Variants in DCLK1 observed in about 807,000 individuals in gnomAD.
The protein encoded by DCLK1 is doublecortin like kinase 1.
A neutral mutation model predicts 86.2 loss-of-function variants in DCLK1; 16 were observed. That is an observed-to-expected ratio of 0.19 (90% confidence interval 0.13 to 0.28). The LOEUF (loss-of-function observed/expected upper bound fraction) is 0.28. Among genes scored for constraint, DCLK1 ranks in the 10% least tolerant of loss-of-function variants. The pLI is 1.00. For missense variants in DCLK1, 590 were observed against 940.2 expected, an observed-to-expected ratio of 0.63 and a Z score of 4.87; for synonymous variants, 369 against 370.5, an observed-to-expected ratio of 1.00 and a Z score of 0.05.
chr13:35,862,418 T>C (rs1289756655), intron 5 of DCLK1, among the ~76,000 whole-genome samples: 3 of 152,230 alleles, frequency 2.0e-5, no homozygotes, highest in East Asian at 3.9e-4. Context: ...CTTTCGGTTC[T>C]GTCTTGACAA....
chr13:36,120,279 C>T (rs1885939213), intron 2 of DCLK1, among the ~76,000 whole-genome samples: 1 of 152,190 alleles, frequency 6.6e-6, no homozygotes, highest in African/African-American at 2.4e-5. Context: ...TAAATGAAGT[C>T]ACTAAAGAGA....
intron 10 of DCLK1, among the ~76,000 whole-genome samples, chr13:35,826,552 A>G (rs151279165): frequency 0.13 from 12,847 of 95,364 alleles, 3,349 homozygotes; most frequent in Non-Finnish European, 0.18. Flanking sequence ...AGAAAGAAAG[A>G]AAGAAAGAAA....
chr13:36,122,720 C>T (rs999994211), intron 2 of DCLK1, among the ~76,000 whole-genome samples: 3 of 152,096 alleles, frequency 2.0e-5, no homozygotes, highest in Non-Finnish European at 4.4e-5. Flanking sequence ...TTTAAAAAAA[C>T]ATATTAAGGC....
intron 6 of DCLK1, chr13:35,849,054 C>A: frequency 2.0e-6 from 2 of 985,308 alleles, no homozygotes; most frequent in Non-Finnish European, 2.4e-6. Context: ...TCTTGAATAA[C>A]CTGCCAGAGA....
At chr13:36,115,841 T>C (rs1885766920) in intron 2 of DCLK1, among the ~76,000 whole-genome samples, 1 of 150,548 alleles carries the variant, frequency 6.6e-6, no homozygotes, top group Non-Finnish European at 1.5e-5. Flanking sequence ...TTTTAGTATT[T>C]TCAGAAAGTT....
intron 16 of DCLK1, among the ~76,000 whole-genome samples, chr13:35,783,439 G>GA (rs1385559077): frequency 2.0e-5 from 3 of 152,106 alleles, no homozygotes; most frequent in Admixed American, 6.5e-5. Flanking sequence ...CGTAGGTGTG[G>GA]AAAATCAGAC....
chr13:35,982,490 G>A (rs755228041), intron 3 of DCLK1, among the ~76,000 whole-genome samples: 46 of 143,038 alleles, frequency 3.2e-4, no homozygotes, highest in Middle Eastern at 4.1e-3. Flanking sequence ...AAGGGCAACC[G>A]ATTCAAGTGA....
chr13:35,935,603 T>C (rs1400249026), intron 4 of DCLK1, among the ~76,000 whole-genome samples: 1 of 152,050 alleles, frequency 6.6e-6, no homozygotes, highest in Admixed American at 6.5e-5. Flanking sequence ...ATGAGTTCAG[T>C]TGTGGGATGT....
At chr13:35,815,765 T>C (rs889215281) in intron 11 of DCLK1, among the ~76,000 whole-genome samples, 1 of 152,116 alleles carries the variant, frequency 6.6e-6, no homozygotes, top group African/African-American at 2.4e-5. Context: ...TTTTATAGAA[T>C]GCATTTTATG....
At chr13:36,076,641 A>G in intron 3 of DCLK1, among the ~76,000 whole-genome samples, 1 of 152,204 alleles carries the variant, frequency 6.6e-6, no homozygotes, top group South Asian at 2.1e-4. Context: ...GTGAAATTCT[A>G]TTAATTCAAT....
At chr13:36,095,453 G>A (rs1007479558) in intron 3 of DCLK1, among the ~76,000 whole-genome samples, 18 of 152,058 alleles carry the variant, frequency 1.2e-4, no homozygotes, top group East Asian at 5.8e-4. Context: ...CAATCCGCCC[G>A]CCTCAACTTC....
Position 35,938,111 on chromosome 13 carries a change from TGAGGAAAACAG to T in DCLK1, c.823+9236_823+9246del, listed in dbSNP as rs1876864315. On this transcript the variant is annotated intron_variant, in intron 4 of 16. Transcript: ENST00000360631. ...AAGGAGACTTCATTTTTTGGAAAGT[TGAGGAAAACAG>T]GAGAGAAGATGAGGAAAGATATACG... Among the ~76,000 whole-genome samples, 4 of 152,104 alleles carry T rather than the reference TGAGGAAAACAG, an allele frequency of 2.6e-5. No individual in the cohort carries two copies. The South Asian group carries it at 8.3e-4, about 32-fold the overall frequency.
intron 6 of DCLK1, chr13:35,846,920 A>G (rs1409982944): frequency 1.0e-6 from 1 of 985,338 alleles, no homozygotes; most frequent in Non-Finnish European, 1.2e-6. Context: ...ATCGCCTTAC[A>G]GGTTATCTGG....
intron 8 of DCLK1, among the ~76,000 whole-genome samples, chr13:35,828,998 T>G (rs1868723218): frequency 6.6e-6 from 1 of 152,090 alleles, no homozygotes; most frequent in East Asian, 1.9e-4. Flanking sequence ...AGGGATAAAA[T>G]CTATTTCAGA....
chr13:35,869,544 C>G (rs966565508), intron 5 of DCLK1, among the ~76,000 whole-genome samples: 16 of 152,350 alleles, frequency 1.1e-4, no homozygotes, highest in African/African-American at 3.6e-4. Flanking sequence ...GAAGTCATCT[C>G]TGTCATGCCA....
chr13:35,849,256 A>T, intron 6 of DCLK1: 1 of 985,260 alleles, frequency 1.0e-6, no homozygotes, highest in East Asian at 1.1e-4. Flanking sequence ...TAGTTGAACA[A>T]TTTATCAGGG....
intron 3 of DCLK1, among the ~76,000 whole-genome samples, chr13:35,982,711 C>G (rs902605883): frequency 6.6e-6 from 1 of 152,088 alleles, no homozygotes; most frequent in East Asian, 1.9e-4. Context: ...TGTTGCGGAA[C>G]GTTACAAATG....
chr13:36,075,991 C>T (rs944349685), intron 3 of DCLK1, among the ~76,000 whole-genome samples: 1 of 152,204 alleles, frequency 6.6e-6, no homozygotes, highest in African/African-American at 2.4e-5. Context: ...CACCACTGCA[C>T]TCCAGCCTGG....
intron 3 of DCLK1, among the ~76,000 whole-genome samples, chr13:35,993,836 T>C (rs1317735042): frequency 1.1e-5 from 1 of 90,602 alleles, no homozygotes; most frequent in Non-Finnish European, 2.1e-5. Context: ...TGAACACTCA[T>C]GAGAAAAAAA....
Sources: gnomAD v4.1 joint callset for allele counts (sites outside exome capture counted in the v4.1 genomes callset) on GRCh38, gnomAD v4.1.1 for gene constraint, MANE v1.5 for transcripts, NCBI Gene and HGNC (gene_info 2026-07-23, HGNC 2026-07-21) for gene names.